Variants in LRP2 observed in about 807,000 individuals in gnomAD.
The protein encoded by LRP2 is low-density lipoprotein receptor-related protein 2.
Under a neutral mutation model 531.0 loss-of-function variants are expected in LRP2, and 172 were observed. The observed-to-expected ratio is 0.32, with a 90% confidence interval of 0.29 to 0.37. The LOEUF is 0.37. LRP2 is among the 10% of genes least tolerant of loss of function. The probability of loss-of-function intolerance (pLI) is 1.00; values close to 1 mark genes in which losing one functional copy is unlikely to be tolerated. For synonymous variants in LRP2, 1,992 were observed against 2,027.6 expected (o/e 0.98, Z 0.47); for missense variants, 5,167 against 5,868.3 (o/e 0.88, Z 3.90).
At chr2:169,211,402 C>T (rs1025728369) in intron 37 of LRP2, among the ~76,000 whole-genome samples, 3 of 152,110 alleles carry the variant, frequency 2.0e-5, no homozygotes, top group Non-Finnish European at 4.4e-5. Context: ...TATGTAAGCA[C>T]AAAGTGCTGC....
chr2:169,349,841 G>C lies in LRP2; in HGVS notation c.79+12480C>G, dbSNP rs559358867. Among the ~76,000 whole-genome samples the C allele has an allele frequency of 1.3e-4, 20 of 152,258 alleles. No individual in the cohort carries two copies. The South Asian group carries it at 4.2e-3, about 32-fold the overall frequency. ...TCCTCCCTTTCCCTTCACACGCATT[G>C]ATCTTAATAAATATTATATACTCCA... On this transcript the variant is annotated intron_variant, in intron 1 of 78. Transcript: ENST00000649046.
chr2:169,206,086 G>A lies in LRP2; in HGVS notation c.7493C>T (p.Ser2498Phe), dbSNP rs142613860. 1 of 1,614,212 alleles carries A rather than the reference G, an allele frequency of 6.2e-7. No individual in the cohort carries two copies. The highest frequency in any genetic ancestry group is 8.5e-7 in the Non-Finnish European group (1 of 1,180,040). Reference protein sequence around the residue: ...QMINSMAEDGSNRTVIARVPK... With the variant: ...QMINSMAEDGFNRTVIARVPK... ...AACGCGGGCTATCACAGTGCGGTTA[G>A]ACCCATCTTCAGCCATGGAATTAAT... The change falls in exon 40 of 79, where the codon TCT (serine) becomes TTT (phenylalanine). Residue 2498 changes from serine to phenylalanine, a missense_variant. By Grantham distance (155) the Ser-to-Phe change is radical. Around this residue, in one of 6 missense-constraint regions of LRP2, gnomAD observed 1,129 missense variants for 1,362.7 expected, o/e 0.83. Transcript: ENST00000649046.
At position 169,352,161 on chromosome 2, in the gene LRP2, T is replaced by G. The variant is rs1256097893; in HGVS notation, c.79+10160A>C. 6.6e-5 allele frequency among the ~76,000 whole-genome samples: 10 copies of G among 152,196 alleles called. No individual in the cohort carries two copies. In the East Asian group the frequency reaches 1.7e-3, roughly 26 times the overall value. On this transcript the variant is annotated intron_variant, in intron 1 of 78. Transcript: ENST00000649046. ...TCAGGTGAGAAAAGATTAGAAGACC[T>G]GCAACAGTTATTTACCTCAATGAAT...
At chr2:169,136,935 T>C (rs1304542068) in intron 76 of LRP2, among the ~76,000 whole-genome samples, 1 of 152,188 alleles carries the variant, frequency 6.6e-6, no homozygotes. Flanking sequence ...CCTCTCCCTT[T>C]AATCCACCTC....
At chr2:169,269,093 A>ATG (rs1683321830) in intron 16 of LRP2, among the ~76,000 whole-genome samples, 1 of 152,112 alleles carries the variant, frequency 6.6e-6, no homozygotes, top group Non-Finnish European at 1.5e-5. Flanking sequence ...ACTGCTCAGC[A>ATG]AAATAAAAGA....
At chr2:169,268,746 T>C (rs1448179022) in intron 16 of LRP2, among the ~76,000 whole-genome samples, 1 of 152,220 alleles carries the variant, frequency 6.6e-6, no homozygotes, top group African/African-American at 2.4e-5. Context: ...TTGGAAGTTC[T>C]GGCCAGGGCA....
intron 9 of LRP2, among the ~76,000 whole-genome samples, chr2:169,284,996 A>C (rs186960287): frequency 6.6e-6 from 1 of 152,110 alleles, no homozygotes; most frequent in Non-Finnish European, 1.5e-5. Flanking sequence ...TATCACCTGC[A>C]CTACAAGTGG....
chr2:169,259,210 T>C lies in LRP2; in HGVS notation c.2328A>G (p.Glu776=), dbSNP rs781065943. The stretch of plus-strand genomic sequence containing the variant: ...TTTCCACCCTGTTAGCTGCGAGAAT[T>C]TCTCTTCCTATAAGTTAAAATATGG... ...FKQKIDGTGR[E]ILAANRVENV... The change falls in exon 17 of 79, where the codon GAA becomes GAG. Residue 776 remains glutamate (E), a synonymous_variant. Coordinates refer to ENST00000649046, the MANE Select transcript of LRP2 (RefSeq NM_004525.3). 7 of 1,612,460 alleles carry C rather than the reference T, an allele frequency of 4.3e-6. No individual in the cohort carries two copies. The East Asian group carries it at 1.6e-4, about 36-fold the overall frequency.
intron 3 of LRP2, among the ~76,000 whole-genome samples, chr2:169,311,440 C>T (rs1273176266): frequency 6.6e-6 from 1 of 152,158 alleles, no homozygotes; most frequent in Non-Finnish European, 1.5e-5. Flanking sequence ...TTTATTTCTG[C>T]CTTCATTTCT....
intron 1 of LRP2, among the ~76,000 whole-genome samples, chr2:169,330,632 C>T (rs1361522393): frequency 6.6e-6 from 1 of 152,176 alleles, no homozygotes; most frequent in Non-Finnish European, 1.5e-5. Context: ...ACTCATCTTG[C>T]AGAACTGTCC....
Position 169,283,125 on chromosome 2 carries a change from T to C in LRP2, c.1043-124A>G, listed in dbSNP as rs1216964964. 9.8e-6 allele frequency: 9 copies of C among 920,250 alleles called. No individual in the cohort carries two copies. In the East Asian group the frequency reaches 1.9e-4, roughly 20 times the overall value. The allele number at this position is 920,250 out of a possible 1,614,324, so 57.0% of individuals were successfully genotyped here. A position where few individuals can be genotyped will look rare whatever the true frequency, so the allele number is the denominator to read the frequency against. On this transcript the variant is annotated intron_variant, in intron 9 of 78. Coordinates refer to ENST00000649046, the MANE Select transcript of LRP2 (RefSeq NM_004525.3). ...TGCCCATGTCTAAATAAACACCCTCTGGAATTAGGCACAGGTTCTGAGAAT... is the reference window on the plus strand; with the variant it reads ...TGCCCATGTCTAAATAAACACCCTCCGGAATTAGGCACAGGTTCTGAGAAT...
chr2:169,278,476 C>A (rs1370354551), intron 12 of LRP2, among the ~76,000 whole-genome samples: 1 of 151,898 alleles, frequency 6.6e-6, no homozygotes, highest in Non-Finnish European at 1.5e-5. Context: ...AGAGCAAGAA[C>A]CTGTCTCAAA....
chr2:169,273,029 G>T lies in LRP2; in HGVS notation c.2014C>A (p.Gln672Lys), dbSNP rs1683460140. The change falls in exon 15 of 79, where the codon CAG becomes AAG. Residue 672 changes from glutamine to lysine, a missense_variant. Coordinates refer to ENST00000649046, the MANE Select transcript of LRP2 (RefSeq NM_004525.3). ...GTTCTGTGGCTGAGGACACAGACCT[G>T]CTCACAGCCCCCATTGTTATCTTTA... ...PCKDNNGGCE[Q>K]VCVLSHRTDN... 2 of 1,613,568 alleles carry T rather than the reference G, an allele frequency of 1.2e-6. No individual in the cohort carries two copies. Among genetic ancestry groups the T allele is most frequent in the Admixed American group, 1.7e-5 (1 of 59,916 alleles).
chr2:169,196,804 T>A, intron 46 of LRP2, 107 bp downstream of exon 46: 1 of 1,490,424 alleles, frequency 6.7e-7, no homozygotes. Flanking sequence ...GGACAGGAAG[T>A]CCAAGCATTC....
intron 9 of LRP2, among the ~76,000 whole-genome samples, chr2:169,285,814 G>A (rs890471170): frequency 6.6e-6 from 1 of 152,208 alleles, no homozygotes; most frequent in African/African-American, 2.4e-5. Context: ...ACCAGAGGCA[G>A]ATGAATGGTA....
At chr2:169,289,238 G>A in intron 8 of LRP2, 93 bp from the exon 9 acceptor site, 2 of 1,496,726 alleles carry the variant, frequency 1.3e-6, no homozygotes, top group Non-Finnish European at 1.9e-6. Context: ...TAGCAGCTCA[G>A]TAAGCATGAA....
intron 48 of LRP2, among the ~76,000 whole-genome samples, chr2:169,190,232 T>C (rs1687783331): frequency 6.6e-6 from 1 of 152,200 alleles, no homozygotes; most frequent in Non-Finnish European, 1.5e-5. Flanking sequence ...ATCTACACTT[T>C]ACATTCATAT....
chr2:169,323,506 AC>A (rs1445776155), intron 1 of LRP2, among the ~76,000 whole-genome samples: 1 of 152,142 alleles, frequency 6.6e-6, no homozygotes, highest in Non-Finnish European at 1.5e-5. Flanking sequence ...GGTGCCCCTT[AC>A]TTCAATTAGT....
rs1687421528 is a variant in LRP2, at chr2:169,181,320, C to T, written c.10169+128G>A. The T allele has an allele frequency of 6.9e-6, 6 of 863,990 alleles. No homozygotes were observed. In the Admixed American group the frequency reaches 1.0e-4, roughly 14 times the overall value. The allele number at this position is 863,990 out of a possible 1,614,324, so 53.5% of individuals were successfully genotyped here. ...TCAGCAGTTTTAGTTAGAAGTGTGACTTCCCCCGAATGACTTCCAACAGAC... is the reference window on the plus strand; with the variant it reads ...TCAGCAGTTTTAGTTAGAAGTGTGATTTCCCCCGAATGACTTCCAACAGAC... On this transcript the variant is annotated intron_variant, in intron 52 of 78. Transcript: ENST00000649046.
Sources: allele counts gnomAD v4.1 joint callset (sites outside exome capture counted in the v4.1 genomes callset), GRCh38; gene constraint gnomAD v4.1.1; regional missense constraint gnomAD v4.1.1; transcripts MANE v1.5; gene names NCBI Gene and HGNC (gene_info 2026-07-23, HGNC 2026-07-21).